The following MYPOP variants were observed in gnomAD, a reference collection of about 807,000 sequenced individuals.
The protein encoded by MYPOP is myb-related transcription factor, partner of profilin.
In MYPOP, 21 loss-of-function variants were observed where a neutral mutation model predicts 25.7. That is an observed-to-expected ratio of 0.82 (90% CI 0.58 to 1.18). The LOEUF is 1.18. Ranked by LOEUF, MYPOP falls within the 50% of genes most tolerant of loss-of-function variation. MYPOP has a pLI of 0.00. For synonymous variants in MYPOP, 280 were observed against 247.9 expected (o/e 1.13, Z -1.22); for missense variants, 566 against 588.3 (o/e 0.96, Z 0.39).
rs143098776 is a variant in MYPOP at position 45,892,502 on chromosome 19, C to T, written c.500-1179G>A. Among the ~76,000 whole-genome samples, 154 of 152,240 alleles carry T rather than the reference C, an allele frequency of 1.0e-3. 2 individuals are homozygous for T. In the East Asian group the frequency reaches 0.025, roughly 24 times the overall value. ...CTTCCTGGGCTCAGCCTGAACCTCT[C>T]GCCTGGGCTCCAGACTCCTGTCTCC... On this transcript the variant is annotated intron_variant, in intron 2 of 2. Transcript: ENST00000322217.
intron 2 of MYPOP, among the ~76,000 whole-genome samples, chr19:45,894,561 G>C (rs1037523004): frequency 6.7e-6 from 1 of 149,730 alleles, no homozygotes; most frequent in African/African-American, 2.5e-5. Flanking sequence ...CCACAGAGGT[G>C]CGACCCCACA....
chr19:45,893,954 T>A (rs1255827400), intron 2 of MYPOP, among the ~76,000 whole-genome samples: 20 of 149,602 alleles, frequency 1.3e-4, no homozygotes, highest in Non-Finnish European at 1.8e-4. Context: ...CACGCCCGGC[T>A]AATTTTTTGT....
intron 2 of MYPOP, among the ~76,000 whole-genome samples, chr19:45,899,140 T>C (rs1205178127): frequency 6.6e-6 from 1 of 152,144 alleles, no homozygotes; most frequent in Non-Finnish European, 1.5e-5. Context: ...GCAGGAGAAT[T>C]GCTTGAACCT....
chr19:45,891,057 A>G lies in MYPOP; in HGVS notation c.766T>C (p.Ser256Pro), dbSNP rs957957210. 17 of 1,187,604 alleles carry G rather than the reference A, an allele frequency of 1.4e-5. No individual in the cohort carries two copies. The East Asian group carries it at 9.7e-4, about 68-fold the overall frequency. 73.6% of individuals were successfully genotyped at this position (1,187,604 alleles called of 1,614,324 possible). A position where few individuals can be genotyped will look rare whatever the true frequency, so the allele number is the denominator to read the frequency against. ...CGCAGGAAGTCCAGGGAGGGGTCTG[A>G]GGCCGAGAGCGTGGGTGGAGGCCGA... ...PPRPPPTLSA[S>P]DPSLDFLRAQ... Residue 256 changes from serine to proline, a missense_variant, in exon 3 of 3, where the codon TCA becomes CCA. Physicochemically the swap from Ser to Pro is moderately conservative, Grantham distance 74. Coordinates refer to ENST00000322217, the MANE Select transcript of MYPOP (RefSeq NM_001012643.4).
At position 45,890,664 on chromosome 19, in the gene MYPOP, A is replaced by G; in HGVS notation, c.1159T>C (p.Phe387Leu). 6.2e-7 allele frequency: 1 copy of G among 1,606,664 alleles called. No homozygotes were observed. The highest frequency in any genetic ancestry group is 8.5e-7 in the Non-Finnish European group (1 of 1,177,544). The part of the protein sequence containing the change: ...DSPPHKRRKG[F>L]PTRKRRGRWK... The stretch of plus-strand genomic sequence containing the variant: ...CGGCCGCGCCTTTTCCGTGTAGGGA[A>G]ACCTTTTCTCCGCTTGTGTGGGGGG... The change falls in exon 3 of 3, where the codon TTC (phenylalanine) becomes CTC (leucine). Residue 387 changes from phenylalanine to leucine, a missense_variant. By Grantham distance (22) the Phe-to-Leu change is conservative. Coordinates refer to ENST00000322217, the MANE Select transcript of MYPOP (RefSeq NM_001012643.4).
intron 2 of MYPOP, among the ~76,000 whole-genome samples, chr19:45,892,817 C>T (rs1282702060): frequency 6.6e-6 from 1 of 152,182 alleles, no homozygotes; most frequent in Non-Finnish European, 1.5e-5. Context: ...CTGCAGTCAT[C>T]GCCTCCCTGA....
rs181735870 is a variant in MYPOP at position 45,893,843 on chromosome 19, G to A, written c.500-2520C>T. On this transcript the variant is annotated intron_variant, in intron 2 of 2. Coordinates refer to ENST00000322217, the MANE Select transcript of MYPOP (RefSeq NM_001012643.4). ...CTCACTCTGTCGCCCAGGCTGGAGT[G>A]CAGTGGCGCGATCTCAGCTCACTGC... is the stretch of plus-strand genomic sequence containing the variant. 3.9e-3 allele frequency among the ~76,000 whole-genome samples: 570 copies of A among 147,352 alleles called. 6 individuals are homozygous for A. The highest frequency in any genetic ancestry group is 0.014 in the African/African-American group (548 of 39,934).
chr19:45,899,409 C>T (rs1032715156), intron 2 of MYPOP, among the ~76,000 whole-genome samples: 1 of 152,138 alleles, frequency 6.6e-6, no homozygotes. Context: ...AATAAGTTGG[C>T]CATCTCTGCT....
Position 45,890,981 on chromosome 19 carries a change from C to T in MYPOP, c.842G>A (p.Arg281Gln), listed in dbSNP as rs1176403025. 25 of 1,504,290 alleles carry T rather than the reference C, an allele frequency of 1.7e-5. No homozygotes were observed. The highest frequency in any genetic ancestry group is 3.9e-5 in the South Asian group (3 of 76,680). The allele number at this position is 1,504,290 out of a possible 1,614,324, so 93.2% of individuals were successfully genotyped here. Residue 281 changes from arginine to glutamine, a missense_variant, in exon 3 of 3, where the codon CGA becomes CAA. By Grantham distance (43) the Arg-to-Gln change is conservative (BLOSUM62 1). Coordinates refer to ENST00000322217, the MANE Select transcript of MYPOP (RefSeq NM_001012643.4). ...NAIRELAGTL[R>Q]QGLAKLSEAL... The stretch of plus-strand genomic sequence containing the variant: ...CTCGCTCAGTTTGGCCAGTCCCTGT[C>T]GAAGGGTGCCGGCCAGCTCCCGGAT...
chr19:45,894,724 C>T lies in MYPOP; in HGVS notation c.500-3401G>A, dbSNP rs866102858. On this transcript the variant is annotated intron_variant, in intron 2 of 2. Transcript: ENST00000322217. ...ATATATATACATTTTTTTCTTTTTTCTTTTTTTTTTTTGAGATGGAGTCTC... is the reference window on the plus strand; with the variant it reads ...ATATATATACATTTTTTTCTTTTTTTTTTTTTTTTTTTGAGATGGAGTCTC... 2.0e-3 allele frequency among the ~76,000 whole-genome samples: 247 copies of T among 120,986 alleles called. 3 individuals carry two copies. The highest frequency in any genetic ancestry group is 3.1e-3 in the African/African-American group (113 of 36,990). The allele number at this position is 120,986 out of a possible 152,430, so 79.4% of individuals were successfully genotyped here.
At chr19:45,897,002 C>T (rs558705647) in intron 2 of MYPOP, among the ~76,000 whole-genome samples, 47 of 149,840 alleles carry the variant, frequency 3.1e-4, no homozygotes, top group African/African-American at 1.1e-3. Flanking sequence ...ATGATCCTCC[C>T]GCCTTGGCCT....
intron 2 of MYPOP, among the ~76,000 whole-genome samples, chr19:45,900,451 C>T (rs80273006): frequency 2.5e-5 from 2 of 81,476 alleles, no homozygotes; most frequent in Non-Finnish European, 5.0e-5. Flanking sequence ...CCTGGACCAC[C>T]CCCCCCCCCA....
chr19:45,898,975 C>A (rs533722042), intron 2 of MYPOP, among the ~76,000 whole-genome samples: 1 of 152,164 alleles, frequency 6.6e-6, no homozygotes, highest in South Asian at 2.1e-4. Flanking sequence ...GCCTGTAATC[C>A]CAGCACTTTG....
Position 45,890,561 on chromosome 19 carries a change from G to T in MYPOP, c.*62C>A. On this transcript the variant is annotated 3_prime_UTR_variant, in exon 3 of 3. Transcript: ENST00000322217. ...GCAGCTGGGATGGGCAGAGAGCATC[G>T]CCCCCCTCGACTGCGCCAAGCTGGG... The T allele has an allele frequency of 6.3e-7, 1 of 1,583,384 alleles. No individual in the cohort carries two copies. Among genetic ancestry groups the T allele is most frequent in the East Asian group, 2.3e-5 (1 of 43,928 alleles).
intron 2 of MYPOP, among the ~76,000 whole-genome samples, chr19:45,900,445 G>T (rs1967270395): frequency 8.0e-6 from 1 of 125,112 alleles, no homozygotes. Context: ...AGCCCTCCTG[G>T]ACCACCCCCC....
chr19:45,898,775 C>T (rs1017320883), intron 2 of MYPOP, among the ~76,000 whole-genome samples: 1 of 152,144 alleles, frequency 6.6e-6, no homozygotes, highest in Non-Finnish European at 1.5e-5. Flanking sequence ...ATTTCACCTT[C>T]TCAGAGAAGC....
Position 45,890,721 on chromosome 19 carries a change from G to GGGGGGGC in MYPOP, c.1101_1102insGCCCCCC (p.Pro368AlafsTer84). The GGGGGGGC allele has an allele frequency of 3.5e-6, 5 of 1,418,504 alleles. No homozygotes were observed. The highest frequency in any genetic ancestry group is 4.9e-6 in the Non-Finnish European group (5 of 1,026,506). The allele number at this position is 1,418,504 out of a possible 1,614,324, so 87.9% of individuals were successfully genotyped here. ...TGCGGAGGGAGCGGGGCTGGGGGGGGCCGGGGTGCCCCCTCCTCGCTCCTT... is the reference window on the plus strand; with the variant it reads ...TGCGGAGGGAGCGGGGCTGGGGGGGGGGGGGGCCCGGGGTGCCCCCTCCTCGCTCCTT... On this transcript the variant is annotated frameshift_variant, in exon 3 of 3. Transcript: ENST00000322217. LOFTEE classifies it high-confidence loss of function.
intron 1 of MYPOP, among the ~76,000 whole-genome samples, chr19:45,902,084 G>A (rs1163926286): frequency 6.6e-6 from 1 of 150,806 alleles, no homozygotes; most frequent in African/African-American, 2.4e-5. Context: ...CTGGAGGGAT[G>A]GAAGGAAAGG....
chr19:45,890,478 C>G lies in MYPOP; in HGVS notation c.*145G>C. 7.5e-7 allele frequency: 1 copy of G among 1,339,432 alleles called. No homozygotes were observed. The highest frequency in any genetic ancestry group is 1.6e-5 in the South Asian group (1 of 64,270). The allele number at this position is 1,339,432 out of a possible 1,614,324, so 83.0% of individuals were successfully genotyped here. Reference sequence around the variant, plus strand: ...ATTACTGAGGCCCCCCCCAGAGAATCAGGCACTAACTAGCACAGGGAGTGG... The same window carrying G: ...ATTACTGAGGCCCCCCCCAGAGAATGAGGCACTAACTAGCACAGGGAGTGG... On this transcript the variant is annotated 3_prime_UTR_variant, in exon 3 of 3. Transcript: ENST00000322217.
Sources: gnomAD v4.1 joint callset for allele counts (sites outside exome capture counted in the v4.1 genomes callset) on GRCh38, gnomAD v4.1.1 for gene constraint, MANE v1.5 for transcripts, NCBI Gene and HGNC (gene_info 2026-07-23, HGNC 2026-07-21) for gene names.